Variants in TENM4 observed in about 807,000 individuals in gnomAD.
The protein encoded by TENM4 is teneurin-4.
In TENM4, 82 loss-of-function variants were observed where a neutral mutation model predicts 243.3. The observed-to-expected ratio is 0.34, with a 90% CI of 0.28 to 0.40. The LOEUF is 0.40. TENM4 is among the 10% of genes least tolerant of loss of function. TENM4 has a pLI of 1.00. For synonymous variants in TENM4, 1,412 were observed against 1,456.3 expected (o/e 0.97, Z 0.69); for missense variants, 3,138 against 3,673.3 (o/e 0.85, Z 3.77).
Position 78,853,863 on chromosome 11 carries a change from C to A in TENM4, c.1681+241G>T, listed in dbSNP as rs139932801. Among the ~76,000 whole-genome samples, 139 of 152,332 alleles carry A rather than the reference C, an allele frequency of 9.1e-4. 2 individuals are homozygous for A. The East Asian group carries it at 0.025, about 28-fold the overall frequency. On this transcript the variant is annotated intron_variant, in intron 12 of 33. Coordinates refer to ENST00000278550, the MANE Select transcript of TENM4 (RefSeq NM_001098816.3). ...AATTCCACTCCCACCTTGAAATGCA[C>A]TGCACACCAACCACAGACAGCAGGA... is the stretch of plus-strand genomic sequence containing the variant.
chr11:79,276,534 T>C (rs1316389729), intron 2 of TENM4, among the ~76,000 whole-genome samples: 2 of 152,192 alleles, frequency 1.3e-5, no homozygotes, highest in Non-Finnish European at 2.9e-5. Flanking sequence ...ACATCCGGCA[T>C]GCATCTTTCT....
At chr11:79,369,685 G>A (rs192701944) in intron 1 of TENM4, among the ~76,000 whole-genome samples, 4 of 152,194 alleles carry the variant, frequency 2.6e-5, no homozygotes, top group African/African-American at 9.6e-5. Flanking sequence ...CCATCCCTCT[G>A]TCCATCCTAC....
chr11:78,742,817 C>T (rs1479193163), intron 19 of TENM4, among the ~76,000 whole-genome samples: 1 of 152,260 alleles, frequency 6.6e-6, no homozygotes, highest in East Asian at 1.9e-4. Flanking sequence ...CACTCCAAAA[C>T]AAAATCAAGC....
chr11:78,695,737 G>T (rs2135744529), intron 28 of TENM4, among the ~76,000 whole-genome samples: 1 of 150,978 alleles, frequency 6.6e-6, no homozygotes, highest in South Asian at 2.1e-4. Flanking sequence ...TGAGAAGTCT[G>T]CTGTAATTCT....
chr11:78,752,167 A>G (rs1037113547), intron 19 of TENM4, among the ~76,000 whole-genome samples: 1 of 152,210 alleles, frequency 6.6e-6, no homozygotes, highest in Admixed American at 6.5e-5. Context: ...TTAAACCTGC[A>G]TTAAACACCT....
At chr11:79,276,222 A>G (rs530160206) in intron 2 of TENM4, among the ~76,000 whole-genome samples, 1 of 152,216 alleles carries the variant, frequency 6.6e-6, no homozygotes, top group Non-Finnish European at 1.5e-5. Context: ...AAGTATACTT[A>G]TACAGTATGC....
At chr11:79,330,619 A>G (rs1857046553) in intron 1 of TENM4, among the ~76,000 whole-genome samples, 1 of 152,218 alleles carries the variant, frequency 6.6e-6, no homozygotes, top group Non-Finnish European at 1.5e-5. Context: ...TAACTGTGAG[A>G]ATCAAATGGG....
intron 6 of TENM4, among the ~76,000 whole-genome samples, chr11:79,005,346 A>C (rs1858454160): frequency 6.6e-6 from 1 of 152,226 alleles, no homozygotes; most frequent in South Asian, 2.1e-4. Flanking sequence ...TAGTTGCAAA[A>C]ATCCTCAACA....
intron 15 of TENM4, among the ~76,000 whole-genome samples, chr11:78,802,354 A>C (rs1428000486): frequency 2.0e-5 from 3 of 152,248 alleles, no homozygotes; most frequent in Admixed American, 2.0e-4. Flanking sequence ...TTTTCAGATA[A>C]GGAAACTGAA....
rs1042221234 is a variant in TENM4 at position 78,686,443 on chromosome 11, C to G, written c.5260+1611G>C. Among the ~76,000 whole-genome samples, 12 of 151,936 alleles carry G rather than the reference C, an allele frequency of 7.9e-5. 1 individual carries two copies. Among genetic ancestry groups the G allele is most frequent in the Admixed American group, 3.9e-4 (6 of 15,264 alleles). ...CCTGTGAGCTGTTCCAGTAAATTAA[C>G]TGAACCCAAAGAAGCAGTCATGAAA... is the stretch of plus-strand genomic sequence containing the variant. On this transcript the variant is annotated intron_variant, in intron 29 of 33. Coordinates refer to ENST00000278550, the MANE Select transcript of TENM4 (RefSeq NM_001098816.3).
At chr11:79,023,239 T>C (rs1360501678) in intron 6 of TENM4, among the ~76,000 whole-genome samples, 1 of 152,034 alleles carries the variant, frequency 6.6e-6, no homozygotes, top group African/African-American at 2.4e-5. Flanking sequence ...TAGGGATAAA[T>C]GAAAATGAGG....
intron 2 of TENM4, among the ~76,000 whole-genome samples, chr11:79,234,359 T>C (rs1028180145): frequency 6.6e-6 from 1 of 152,202 alleles, no homozygotes; most frequent in East Asian, 1.9e-4. Flanking sequence ...TCTATGGACC[T>C]GAAATGATGA....
intron 6 of TENM4, among the ~76,000 whole-genome samples, chr11:79,036,249 A>C (rs1859374510): frequency 6.6e-6 from 1 of 152,242 alleles, no homozygotes; most frequent in Non-Finnish European, 1.5e-5. Context: ...CGTCCACCCA[A>C]GGCAGGCATC....
At chr11:78,879,385 A>G (rs1263825391) in intron 9 of TENM4, among the ~76,000 whole-genome samples, 15 of 144,560 alleles carry the variant, frequency 1.0e-4, no homozygotes, top group African/African-American at 1.5e-4. Flanking sequence ...TCTGCCTGGC[A>G]GCCGCCCTGT....
chr11:78,720,339 G>T, intron 25 of TENM4, 31 bp downstream of exon 25: 1 of 1,613,436 alleles, frequency 6.2e-7, no homozygotes, highest in Non-Finnish European at 8.5e-7. Flanking sequence ...AGGCAGGGGT[G>T]AGGCAGGAAA....
intron 1 of TENM4, among the ~76,000 whole-genome samples, chr11:79,398,784 A>AG (rs5792855): frequency 1 from 147,770 of 147,770 alleles, 73,885 homozygotes; most frequent in Non-Finnish European, 1. Flanking sequence ...GTTAGGTTCT[A>AG]AACTGAGGAG....
At chr11:78,916,256 C>T (rs1856313972) in intron 6 of TENM4, among the ~76,000 whole-genome samples, 1 of 152,120 alleles carries the variant, frequency 6.6e-6, no homozygotes, top group Admixed American at 6.5e-5. Flanking sequence ...TACTTCTTAG[C>T]GTTGTTGTAG....
chr11:78,838,202 G>A (rs147152653), intron 12 of TENM4, among the ~76,000 whole-genome samples: 20 of 152,134 alleles, frequency 1.3e-4, no homozygotes, highest in African/African-American at 3.6e-4. Flanking sequence ...TGTTTATTGC[G>A]TACTATACAT....
At chr11:79,075,890 G>C (rs1860525417) in intron 4 of TENM4, among the ~76,000 whole-genome samples, 1 of 152,230 alleles carries the variant, frequency 6.6e-6, no homozygotes, top group Non-Finnish European at 1.5e-5. Flanking sequence ...GACCAGTCTA[G>C]TGCTGGGCAC....
Sources: allele counts gnomAD v4.1 joint callset (sites outside exome capture counted in the v4.1 genomes callset), GRCh38; gene constraint gnomAD v4.1.1; transcripts MANE v1.5; gene names NCBI Gene and HGNC (gene_info 2026-07-23, HGNC 2026-07-21).